Variants in KCNJ6 observed in about 807,000 individuals in gnomAD.
The protein encoded by KCNJ6 is potassium inwardly rectifying channel subfamily J member 6, also known as G protein-activated inward rectifier potassium channel 2.
A neutral mutation model predicts 34.2 loss-of-function variants in KCNJ6; 9 were observed. The ratio of observed to expected loss-of-function variants is 0.26; its 90% CI spans 0.16 to 0.46. The LOEUF is 0.46. Ranked by LOEUF, KCNJ6 falls within the 20% of genes least tolerant of loss-of-function variation. The pLI is 1.00. For synonymous variants in KCNJ6, 196 were observed against 207.1 expected (o/e 0.95, Z 0.46); for missense variants, 236 against 531.3 (o/e 0.44, Z 5.46).
chr21:37,655,178 TTTGTGTGTGTG>T (rs1473232791), intron 3 of KCNJ6, among the ~76,000 whole-genome samples: 1,064 of 78,120 alleles, frequency 0.014, 19 homozygotes, highest in African/African-American at 0.044. Context: ...ACTCTAGACA[TTTGTGTGTGTG>T]TGTGTGTGTG....
chr21:37,859,528 T>A lies in KCNJ6; in HGVS notation c.-27-18819A>T, dbSNP rs866283626. ...ATATATATATATATATATATATATA[T>A]ATAAAATACTTAAAAAGCTCTACAG... On this transcript the variant is annotated intron_variant, in intron 1 of 3. Transcript: ENST00000609713. Among the ~76,000 whole-genome samples the A allele has an allele frequency of 2.9e-4, 27 of 93,520 alleles. 1 individual carries two copies. The highest frequency in any genetic ancestry group is 1.2e-3 in the African/African-American group (24 of 19,954). The allele number at this position is 93,520 out of a possible 152,430, so 61.4% of individuals were successfully genotyped here.
intron 1 of KCNJ6, among the ~76,000 whole-genome samples, chr21:37,873,159 A>G (rs1449721190): frequency 6.6e-6 from 1 of 152,188 alleles, no homozygotes; most frequent in Non-Finnish European, 1.5e-5. Flanking sequence ...ACTAATCATT[A>G]CTTGCCAGGC....
At position 37,754,619 on chromosome 21, in the gene KCNJ6, C is replaced by A. The variant is rs551041859; in HGVS notation, c.26-39488G>T. Among the ~76,000 whole-genome samples the A allele has an allele frequency of 2.6e-5, 4 of 152,272 alleles. No homozygotes were observed. The East Asian group carries it at 7.7e-4, about 29-fold the overall frequency. ...GCCATCATGAGCCTCAATGGACTTACCTGTAAGAAGGGTCACGTGAGATTC... is the reference window on the plus strand; with the variant it reads ...GCCATCATGAGCCTCAATGGACTTAACTGTAAGAAGGGTCACGTGAGATTC... On this transcript the variant is annotated intron_variant, in intron 2 of 3. Transcript: ENST00000609713.
chr21:37,783,792 G>A (rs1244840074), intron 2 of KCNJ6, among the ~76,000 whole-genome samples: 1 of 152,180 alleles, frequency 6.6e-6, no homozygotes, highest in African/African-American at 2.4e-5. Context: ...GTTAAGTGAG[G>A]TCATAGAGTG....
chr21:37,879,536 T>C (rs1026479402), intron 1 of KCNJ6, among the ~76,000 whole-genome samples: 1 of 152,294 alleles, frequency 6.6e-6, no homozygotes, highest in South Asian at 2.1e-4. Flanking sequence ...CTAAGTTCAC[T>C]GTGCCTCAGT....
chr21:37,895,851 A>T (rs1297842494), intron 1 of KCNJ6, among the ~76,000 whole-genome samples: 1 of 152,218 alleles, frequency 6.6e-6, no homozygotes, highest in Non-Finnish European at 1.5e-5. Flanking sequence ...GCAGTTTCTC[A>T]GGTATTCCCA....
At chr21:37,627,000 C>T (rs2054314178) in intron 3 of KCNJ6, among the ~76,000 whole-genome samples, 2 of 152,156 alleles carry the variant, frequency 1.3e-5, no homozygotes, top group South Asian at 4.1e-4. Context: ...GTCAGTATGT[C>T]ATCTGTTAGG....
chr21:37,833,947 G>A (rs1227582317), intron 2 of KCNJ6, among the ~76,000 whole-genome samples: 4 of 152,084 alleles, frequency 2.6e-5, no homozygotes, highest in Admixed American at 2.6e-4. Flanking sequence ...CTAGCCCTGG[G>A]GTGTCTCGAA....
Position 37,669,577 on chromosome 21 carries a change from T to TTGTGTGTGTG in KCNJ6, c.947-44103_947-44094dup, listed in dbSNP as rs35169360. On this transcript the variant is annotated intron_variant, in intron 3 of 3. Coordinates refer to ENST00000609713, the MANE Select transcript of KCNJ6 (RefSeq NM_002240.5). ...TTGGGGAGCATGAAGTCTGTGTGTG[T>TTGTGTGTGTG]TGTGTGTGTGTGTGTGTGTGTGTGT... 7.3e-3 allele frequency among the ~76,000 whole-genome samples: 1,090 copies of TTGTGTGTGTG among 149,178 alleles called. 52 individuals are homozygous for TTGTGTGTGTG. The highest frequency in any genetic ancestry group is 0.068 in the Admixed American group (1,025 of 15,036).
intron 2 of KCNJ6, among the ~76,000 whole-genome samples, chr21:37,717,847 T>G (rs2054801947): frequency 6.6e-6 from 1 of 152,208 alleles, no homozygotes; most frequent in Non-Finnish European, 1.5e-5. Context: ...ATATCATACT[T>G]AAAAAATGTT....
chr21:37,889,104 G>A (rs1051211839), intron 1 of KCNJ6, among the ~76,000 whole-genome samples: 1 of 152,190 alleles, frequency 6.6e-6, no homozygotes, highest in African/African-American at 2.4e-5. Flanking sequence ...GACCTGTGTG[G>A]GTGGTGGCTT....
chr21:37,831,563 T>C (rs939496884), intron 2 of KCNJ6, among the ~76,000 whole-genome samples: 1 of 152,146 alleles, frequency 6.6e-6, no homozygotes, highest in African/African-American at 2.4e-5. Context: ...GGAAAGCTCT[T>C]GGAGCCATAG....
intron 2 of KCNJ6, among the ~76,000 whole-genome samples, chr21:37,794,139 C>T (rs1365716880): frequency 3.3e-5 from 5 of 152,176 alleles, no homozygotes; most frequent in African/African-American, 9.7e-5. Flanking sequence ...TTTTCCTTAA[C>T]ATGTACTCTG....
At position 37,611,005 on chromosome 21, in the gene KCNJ6, A is replaced by T. The variant is rs1333343837; in HGVS notation, c.*14154T>A. 6.6e-6 allele frequency: 1 copy of T among 152,180 alleles called. No individual in the cohort carries two copies. The highest frequency in any genetic ancestry group is 2.4e-5 in the African/African-American group (1 of 41,466). 9.4% of individuals were successfully genotyped at this position (152,180 alleles called of 1,614,324 possible). A position where few individuals can be genotyped will look rare whatever the true frequency, so the allele number is the denominator to read the frequency against. ...ATTAAAATTAGATTAAAAATTCACG[A>T]AATTGAAAATAGGAAATCAATAAAA... On this transcript the variant is annotated 3_prime_UTR_variant, in exon 4 of 4. Transcript: ENST00000609713.
intron 1 of KCNJ6, among the ~76,000 whole-genome samples, chr21:37,907,838 G>T (rs970641): frequency 3.3e-5 from 5 of 151,996 alleles, no homozygotes; most frequent in South Asian, 2.1e-4. Flanking sequence ...TTTGGACTCA[G>T]GTACTGTCCT....
At chr21:37,825,312 C>A (rs2055393698) in intron 2 of KCNJ6, among the ~76,000 whole-genome samples, 1 of 152,076 alleles carries the variant, frequency 6.6e-6, no homozygotes, top group African/African-American at 2.4e-5. Flanking sequence ...CTGAGAATCT[C>A]AAGAGGAGGG....
At chr21:37,642,837 A>G (rs181711686) in intron 3 of KCNJ6, among the ~76,000 whole-genome samples, 2 of 152,246 alleles carry the variant, frequency 1.3e-5, no homozygotes. Flanking sequence ...AAACAAAAAA[A>G]GATACTTATA....
chr21:37,857,522 A>G (rs1201267575), intron 1 of KCNJ6, among the ~76,000 whole-genome samples: 1 of 152,210 alleles, frequency 6.6e-6, no homozygotes, highest in Non-Finnish European at 1.5e-5. Context: ...GCTGAGTGGA[A>G]AAGAAACTGT....
At chr21:37,855,569 G>GA (rs1368124250) in intron 1 of KCNJ6, among the ~76,000 whole-genome samples, 2 of 151,072 alleles carry the variant, frequency 1.3e-5, no homozygotes, top group Non-Finnish European at 3.0e-5. Flanking sequence ...AAGCAGAGCA[G>GA]AAAAAATAGC....
Sources: gnomAD v4.1 joint callset for allele counts (sites outside exome capture counted in the v4.1 genomes callset) on GRCh38, gnomAD v4.1.1 for gene constraint, MANE v1.5 for transcripts, NCBI Gene and HGNC (gene_info 2026-07-23, HGNC 2026-07-21) for gene names.